The following GPC6 variants were observed in gnomAD, a reference collection of about 807,000 sequenced individuals.
The protein encoded by GPC6 is glypican 6.
Under a neutral mutation model 55.2 loss-of-function variants are expected in GPC6, and 14 were observed. The ratio of observed to expected loss-of-function variants is 0.25; its 90% CI spans 0.17 to 0.40. The LOEUF is 0.40. GPC6 is among the 10% of genes least tolerant of loss of function. The pLI is 1.00. For missense variants in GPC6, 641 were observed against 708.5 expected (o/e 0.90, Z 1.08); for synonymous variants, 278 against 259.6 (o/e 1.07, Z -0.68).
At chr13:94,224,649 T>A (rs1890491142) in intron 4 of GPC6, among the ~76,000 whole-genome samples, 1 of 152,132 alleles carries the variant, frequency 6.6e-6, no homozygotes, top group African/African-American at 2.4e-5. Context: ...AGCAGAAACA[T>A]TGTCCTGGTG....
chr13:94,273,226 G>A (rs769716539), intron 4 of GPC6, among the ~76,000 whole-genome samples: 1 of 152,136 alleles, frequency 6.6e-6, no homozygotes, highest in Non-Finnish European at 1.5e-5. Context: ...GCCTGTGGCT[G>A]GTGGCACCAA....
intron 2 of GPC6, among the ~76,000 whole-genome samples, chr13:93,805,863 T>C (rs1886529038): frequency 6.6e-6 from 1 of 152,182 alleles, no homozygotes; most frequent in African/African-American, 2.4e-5. Context: ...AATTTATGGC[T>C]CCTTTTCTTT....
chr13:93,506,961 TG>T (rs1459450842), intron 1 of GPC6, among the ~76,000 whole-genome samples: 3 of 142,560 alleles, frequency 2.1e-5, no homozygotes, highest in Admixed American at 7.5e-5. Context: ...CTCGGGAGGC[TG>T]AGACAGAATG....
chr13:94,099,491 G>A (rs1322474547), intron 4 of GPC6, among the ~76,000 whole-genome samples: 1 of 152,064 alleles, frequency 6.6e-6, no homozygotes, highest in African/African-American at 2.4e-5. Context: ...GAACAAATAG[G>A]CAATAAGCTA....
chr13:94,135,127 G>A (rs1389694629), intron 4 of GPC6, among the ~76,000 whole-genome samples: 1 of 152,054 alleles, frequency 6.6e-6, no homozygotes, highest in Non-Finnish European at 1.5e-5. Context: ...TACTTATCTA[G>A]CTGAAACCAA....
intron 2 of GPC6, among the ~76,000 whole-genome samples, chr13:93,551,661 A>G (rs1875165520): frequency 6.6e-6 from 1 of 152,178 alleles, no homozygotes; most frequent in East Asian, 1.9e-4. Flanking sequence ...GGGACAAGAG[A>G]TTATACTACT....
chr13:93,830,031 C>G (rs1887422537), intron 2 of GPC6, 123 bp from the exon 3 acceptor site: 1 of 665,604 alleles, frequency 1.5e-6, no homozygotes, highest in Non-Finnish European at 2.6e-6. Flanking sequence ...CCATTAACAC[C>G]TTAATCACAG....
chr13:94,266,160 T>TTTTTTGTTTG (rs1555313268), intron 4 of GPC6, among the ~76,000 whole-genome samples: 4 of 148,114 alleles, frequency 2.7e-5, no homozygotes, highest in African/African-American at 1.0e-4. Flanking sequence ...TCTTTTTTTT[T>TTTTTTGTTTG]TTTGTTTGTT....
At chr13:94,018,394 A>G (rs1882564750) in intron 3 of GPC6, among the ~76,000 whole-genome samples, 1 of 151,858 alleles carries the variant, frequency 6.6e-6, no homozygotes, top group Non-Finnish European at 1.5e-5. Flanking sequence ...GGTTCAAGCA[A>G]TTCTCCTGCC....
At chr13:94,105,896 G>A (rs939113241) in intron 4 of GPC6, among the ~76,000 whole-genome samples, 1 of 152,082 alleles carries the variant, frequency 6.6e-6, no homozygotes, top group Non-Finnish European at 1.5e-5. Flanking sequence ...ATGCTGCTAA[G>A]CATCCTACAT....
At chr13:94,064,291 T>A (rs991565887) in intron 4 of GPC6, among the ~76,000 whole-genome samples, 32 of 152,250 alleles carry the variant, frequency 2.1e-4, no homozygotes, top group Non-Finnish European at 2.9e-5. Flanking sequence ...GTTAGAGGAA[T>A]GTAATAAAAA....
chr13:94,029,218 G>T (rs192672489), intron 4 of GPC6, among the ~76,000 whole-genome samples: 2 of 152,320 alleles, frequency 1.3e-5, no homozygotes, highest in East Asian at 3.9e-4. Context: ...ATTTTGCTTA[G>T]AAAGGCCAGA....
chr13:93,463,988 T>C (rs1255798203), intron 1 of GPC6, among the ~76,000 whole-genome samples: 1 of 145,678 alleles, frequency 6.9e-6, no homozygotes, highest in Admixed American at 6.9e-5. Context: ...ATTATCAAAA[T>C]AATTAAGTCA....
chr13:93,308,135 A>G (rs1594086753), intron 1 of GPC6, among the ~76,000 whole-genome samples: 1 of 152,010 alleles, frequency 6.6e-6, no homozygotes, highest in African/African-American at 2.4e-5. Context: ...ATACAAAAAA[A>G]TTAGCCGGGC....
intron 1 of GPC6, among the ~76,000 whole-genome samples, chr13:93,376,876 T>C (rs985999100): frequency 6.6e-6 from 1 of 152,114 alleles, no homozygotes; most frequent in Non-Finnish European, 1.5e-5. Context: ...TGTGCACAGC[T>C]ATTATTTTCT....
chr13:93,838,791 A>C (rs1232524782), intron 3 of GPC6, among the ~76,000 whole-genome samples: 1 of 152,086 alleles, frequency 6.6e-6, no homozygotes, highest in Non-Finnish European at 1.5e-5. Context: ...CCTCCAGCTC[A>C]ACAGCCACGA....
chr13:93,323,263 C>T (rs367567638), intron 1 of GPC6, among the ~76,000 whole-genome samples: 221 of 152,076 alleles, frequency 1.5e-3, no homozygotes, highest in Admixed American at 3.1e-3. Flanking sequence ...AAGAAATTTA[C>T]GATAGCATCA....
At position 93,305,002 on chromosome 13, in the gene GPC6, A is replaced by T. The variant is rs115783931; in HGVS notation, c.160+77386A>T. Among the ~76,000 whole-genome samples the T allele has an allele frequency of 5.0e-3, 756 of 152,226 alleles. 4 individuals are homozygous for T. The highest frequency in any genetic ancestry group is 0.017 in the African/African-American group (710 of 41,528). ...CATTCCTCAACTTCAGATTCTTGAA[A>T]TCCACAACAGGATCATTCTCTACTT... On this transcript the variant is annotated intron_variant, in intron 1 of 8. Transcript: ENST00000377047.
chr13:93,279,690 C>T (rs1877879414), intron 1 of GPC6, among the ~76,000 whole-genome samples: 1 of 152,156 alleles, frequency 6.6e-6, no homozygotes, highest in Non-Finnish European at 1.5e-5. Flanking sequence ...CAGTGCATAG[C>T]TCATCTCTCT....
Sources: gnomAD v4.1 joint callset for allele counts (sites outside exome capture counted in the v4.1 genomes callset) on GRCh38, gnomAD v4.1.1 for gene constraint, MANE v1.5 for transcripts, NCBI Gene and HGNC (gene_info 2026-07-23, HGNC 2026-07-21) for gene names.